GEMIN5: variants seen among roughly 807,000 people sequenced by gnomAD.
GEMIN5 encodes the protein gem-associated protein 5.
A neutral mutation model predicts 176.9 loss-of-function variants in GEMIN5; 124 were observed. That is an observed-to-expected ratio of 0.70 (90% CI 0.61 to 0.81). GEMIN5 has a LOEUF of 0.81. Ranked by LOEUF, GEMIN5 falls within the 40% of genes least tolerant of loss-of-function variation. The pLI is 0.00. For synonymous variants in GEMIN5, 673 were observed against 665.2 expected (o/e 1.01, Z -0.18); for missense variants, 1,843 against 1,814.6 (o/e 1.02, Z -0.28).
At chr5:154,920,678 A>T (rs1030921956) in intron 10 of GEMIN5, among the ~76,000 whole-genome samples, 3 of 152,228 alleles carry the variant, frequency 2.0e-5, no homozygotes, top group African/African-American at 7.2e-5. Flanking sequence ...TGAACTACAA[A>T]TTCCAATGCT....
At chr5:154,916,817 T>C (rs1229402090) in intron 13 of GEMIN5, among the ~76,000 whole-genome samples, 181 bp downstream of exon 13, 2 of 152,192 alleles carry the variant, frequency 1.3e-5, no homozygotes, top group East Asian at 3.8e-4. Context: ...TGTTACCATT[T>C]TTGTCATGTT....
chr5:154,907,264 A>C (rs1332320933), intron 16 of GEMIN5, among the ~76,000 whole-genome samples: 1 of 152,222 alleles, frequency 6.6e-6, no homozygotes, highest in Non-Finnish European at 1.5e-5. Context: ...TACTGATGTC[A>C]TACTGTTAAA....
chr5:154,907,766 C>G lies in GEMIN5; in HGVS notation c.2220G>C (p.Lys740Asn), dbSNP rs371159851. ...AGGTGGGCTTTTTCTTCTTTTTGGG[C>G]TTTGCCTTAGGTTGAGAGAGCCGTT... ...EKKRLSQPKA[K>N]PKKKKKPTLR... The change falls in exon 16 of 28, where the codon AAG becomes AAC. Residue 740 changes from lysine (K) to asparagine (N), a missense_variant. By Grantham distance (94) the Lys-to-Asn change is moderately conservative. Transcript: ENST00000285873. 1 of 1,613,954 alleles carries G rather than the reference C, an allele frequency of 6.2e-7. No individual in the cohort carries two copies. Among genetic ancestry groups the G allele is most frequent in the Non-Finnish European group, 8.5e-7 (1 of 1,180,022 alleles).
At chr5:154,903,952 C>T (rs1010694091) in intron 18 of GEMIN5, among the ~76,000 whole-genome samples, 1 of 151,978 alleles carries the variant, frequency 6.6e-6, no homozygotes, top group East Asian at 1.9e-4. Flanking sequence ...TTATGTGCAT[C>T]CCTTTTCCAC....
At chr5:154,910,177 T>A (rs1302622199) in intron 15 of GEMIN5, among the ~76,000 whole-genome samples, 7 of 152,076 alleles carry the variant, frequency 4.6e-5, no homozygotes, top group African/African-American at 2.4e-5. Context: ...ATGATGGACA[T>A]TTGGATTGTT....
At chr5:154,898,335 C>T (rs1322965010) in intron 23 of GEMIN5, 105 bp downstream of exon 23, 2 of 1,010,538 alleles carry the variant, frequency 2.0e-6, no homozygotes, top group East Asian at 4.8e-5. Flanking sequence ...CTGGGCCTGC[C>T]AAATTGGCAC....
chr5:154,926,895 A>C (rs1764050449), intron 7 of GEMIN5, among the ~76,000 whole-genome samples: 2 of 152,106 alleles, frequency 1.3e-5, no homozygotes, highest in Admixed American at 6.6e-5. Flanking sequence ...AACACACACA[A>C]AAAATTAGCT....
chr5:154,902,848 A>T (rs921390159), intron 19 of GEMIN5, among the ~76,000 whole-genome samples, 172 bp from the exon 20 acceptor site: 1 of 152,356 alleles, frequency 6.6e-6, no homozygotes, highest in Middle Eastern at 3.4e-3. Flanking sequence ...CCACTTGGTC[A>T]CTGTACACTC....
rs7328 is a variant in GEMIN5 at position 154,887,728 on chromosome 5, A to G, written c.*482T>C. The G allele has an allele frequency of 0.35, 54,107 of 153,386 alleles. 10,828 individuals carry two copies. The highest frequency in any genetic ancestry group is 0.46 in the Middle Eastern group (142 of 306). 9.5% of individuals were successfully genotyped at this position (153,386 alleles called of 1,614,324 possible). On this transcript the variant is annotated 3_prime_UTR_variant, in exon 28 of 28. Transcript: ENST00000285873. Reference sequence around the variant, plus strand: ...CAGTCTATGAAAGAGTAGAGAGAGAAGGGTCTCCTCTTTCAAATTAAATAT... The same window carrying G: ...CAGTCTATGAAAGAGTAGAGAGAGAGGGGTCTCCTCTTTCAAATTAAATAT...
chr5:154,929,490 C>A (rs1764117007), intron 5 of GEMIN5, among the ~76,000 whole-genome samples: 2 of 152,156 alleles, frequency 1.3e-5, no homozygotes, highest in African/African-American at 2.4e-5. Flanking sequence ...GCATCGGAAC[C>A]ACAGGTGGAA....
intron 3 of GEMIN5, 116 bp downstream of exon 3, chr5:154,935,725 G>A: frequency 1.4e-6 from 1 of 691,524 alleles, no homozygotes; most frequent in Non-Finnish European, 2.5e-6. Context: ...CAGGGGGAGT[G>A]GTTAACATCT....
Position 154,891,760 on chromosome 5 carries a change from A to AC in GEMIN5, c.3761-19_3761-18insG. 1 of 1,559,182 alleles carries AC rather than the reference A, an allele frequency of 6.4e-7. No individual in the cohort carries two copies. The highest frequency in any genetic ancestry group is 8.6e-7 in the Non-Finnish European group (1 of 1,160,456). On this transcript the variant is annotated intron_variant, in intron 25 of 27. Transcript: ENST00000285873. ...GTCACAGCCTAGGAAAAGAGGAAAA[A>AC]GATACTGGGTCATGCATTTCTCTAG... is the stretch of plus-strand genomic sequence containing the variant.
chr5:154,917,870 A>G (rs377003095), intron 12 of GEMIN5, 61 bp downstream of exon 12: 1 of 1,054,048 alleles, frequency 9.5e-7, no homozygotes, highest in Non-Finnish European at 1.5e-6. Context: ...GGCATTAGTC[A>G]GCTTGTGATC....
In GEMIN5 at chr5:154,938,017, G is replaced by C; in HGVS notation, c.117C>G (p.Val39=). 1 of 1,567,074 alleles carries C rather than the reference G, an allele frequency of 6.4e-7. No individual in the cohort carries two copies. The highest frequency in any genetic ancestry group is 1.4e-5 in the African/African-American group (1 of 71,380). ...GFAARTSVFL[V]RVGPGAGESP... is the part of the protein sequence containing the mutation. The stretch of plus-strand genomic sequence containing the variant: ...TCTCGCCTGCGCCCGGGCCCACGCG[G>C]ACAAGGAAGACGGAGGTCCGCGCGG... The change falls in exon 1 of 28, where the codon GTC becomes GTG. Residue 39 remains valine, a synonymous_variant. Coordinates refer to ENST00000285873, the MANE Select transcript of GEMIN5 (RefSeq NM_015465.5).
At chr5:154,926,127 A>G (rs1391024153) in intron 7 of GEMIN5, 53 bp from the exon 8 acceptor site, 4 of 1,136,776 alleles carry the variant, frequency 3.5e-6, no homozygotes, top group African/African-American at 1.6e-5. Context: ...GAGAAATAGG[A>G]AAAAAAACCT....
intron 26 of GEMIN5, 115 bp downstream of exon 26, chr5:154,891,126 G>T: frequency 1.1e-6 from 1 of 893,646 alleles, no homozygotes; most frequent in Non-Finnish European, 1.7e-6. Flanking sequence ...GAACTCCTGG[G>T]CCAAGTGATC....
At position 154,927,547 on chromosome 5, in the gene GEMIN5, A is replaced by G. The variant is rs772243691; in HGVS notation, c.918T>C (p.Gly306=). ...GAGTGAGATCCCATTGCAACAGTTC[A>G]CCTCTGTGAAGGAAAAACATAAGCA... ...PTQLVSSCFG[G]ELLQWDLTQS... Residue 306 remains glycine, a synonymous_variant, in exon 7 of 28, where the codon GGT becomes GGC. Coordinates refer to ENST00000285873, the MANE Select transcript of GEMIN5 (RefSeq NM_015465.5). 4.4e-6 allele frequency: 7 copies of G among 1,584,174 alleles called. No homozygotes were observed. The highest frequency in any genetic ancestry group is 2.3e-5 in the East Asian group (1 of 44,282).
chr5:154,934,824 T>G (rs1764234086), intron 3 of GEMIN5, among the ~76,000 whole-genome samples: 1 of 152,224 alleles, frequency 6.6e-6, no homozygotes, highest in South Asian at 2.1e-4. Context: ...TTCGTTTTCC[T>G]ATTCTCTTTG....
chr5:154,896,249 G>A lies in GEMIN5; in HGVS notation c.3440C>T (p.Thr1147Ile). ...AGGCCCTTCGGTGCCCGTGTTCCAA[G>A]TGTGGTAAGAGGAGGAGCTTTTGCC... ...SEGKSSSSYH[T>I]WNTGTEGPFV... Residue 1147 changes from threonine (T) to isoleucine (I), a missense_variant, in exon 24 of 28, where the codon ACT becomes ATT. Transcript: ENST00000285873. The A allele has an allele frequency of 1.2e-6, 2 of 1,613,930 alleles. No homozygotes were observed. The highest frequency in any genetic ancestry group is 1.7e-6 in the Non-Finnish European group (2 of 1,179,950).
Sources: allele counts gnomAD v4.1 joint callset (sites outside exome capture counted in the v4.1 genomes callset), GRCh38; gene constraint gnomAD v4.1.1; transcripts MANE v1.5; gene names NCBI Gene and HGNC (gene_info 2026-07-23, HGNC 2026-07-21).